Variants in KCTD8 observed in about 807,000 individuals in gnomAD.
KCTD8 encodes the protein BTB/POZ domain-containing protein KCTD8.
In KCTD8, 27 loss-of-function variants were observed where a neutral mutation model predicts 31.5. The observed-to-expected ratio is 0.86, with a 90% CI of 0.63 to 1.18. The LOEUF (loss-of-function observed/expected upper bound fraction) is 1.18, where lower values mean the gene tolerates loss of function less well. Ranked by LOEUF, KCTD8 falls within the 50% of genes most tolerant of loss-of-function variation. The pLI, the probability that KCTD8 is intolerant of heterozygous loss-of-function variation, is 0.00. For synonymous variants in KCTD8, 290 were observed against 280.0 expected, an observed-to-expected ratio of 1.04 and a Z score of -0.36; for missense variants, 658 against 647.7, an observed-to-expected ratio of 1.02 and a Z score of -0.17.
At position 44,227,305 on chromosome 4, in the gene KCTD8, T is replaced by G. The variant is rs371518259; in HGVS notation, c.962-52055A>C. Among the ~76,000 whole-genome samples, 30 of 152,274 alleles carry G rather than the reference T, an allele frequency of 2.0e-4. No individual in the cohort carries two copies. In the East Asian group the frequency reaches 5.8e-3, roughly 29 times the overall value. ...CATTTATTAAATAGGGAATCCTTTC[T>G]CCATTACTTGCTTTTGTCAGGTTTG... is the stretch of plus-strand genomic sequence containing the variant. On this transcript the variant is annotated intron_variant, in intron 1 of 1. Coordinates refer to ENST00000360029, the MANE Select transcript of KCTD8 (RefSeq NM_198353.3).
At chr4:44,285,337 C>T (rs1717031888) in intron 1 of KCTD8, among the ~76,000 whole-genome samples, 1 of 152,074 alleles carries the variant, frequency 6.6e-6, no homozygotes, top group African/African-American at 2.4e-5. Flanking sequence ...ATGGATGAAG[C>T]TGGAAACCAT....
At chr4:44,213,257 A>C (rs1041303320) in intron 1 of KCTD8, among the ~76,000 whole-genome samples, 1 of 151,898 alleles carries the variant, frequency 6.6e-6, no homozygotes, top group Admixed American at 6.6e-5. Context: ...ATTGACCAAA[A>C]TTTTTAATTA....
At chr4:44,278,078 ACT>A (rs971168279) in intron 1 of KCTD8, among the ~76,000 whole-genome samples, 1 of 151,622 alleles carries the variant, frequency 6.6e-6, no homozygotes, top group African/African-American at 2.4e-5. Context: ...ACAGTTACCT[ACT>A]CTCTGTTTTT....
intron 1 of KCTD8, among the ~76,000 whole-genome samples, chr4:44,325,530 AG>A (rs774684329): frequency 1.3e-5 from 2 of 151,930 alleles, no homozygotes; most frequent in Admixed American, 1.3e-4. Flanking sequence ...TACATGCTTG[AG>A]GGAATGGATA....
chr4:44,422,501 G>T (rs1016858375), intron 1 of KCTD8, among the ~76,000 whole-genome samples: 3 of 152,064 alleles, frequency 2.0e-5, no homozygotes, highest in African/African-American at 7.2e-5. Context: ...AAGGGAAAAT[G>T]TATTACATCT....
chr4:44,264,106 A>T (rs1308659308), intron 1 of KCTD8, among the ~76,000 whole-genome samples: 1 of 152,192 alleles, frequency 6.6e-6, no homozygotes, highest in African/African-American at 2.4e-5. Context: ...AGATTAGATT[A>T]ATTAGCAATG....
At chr4:44,281,363 A>C (rs567965085) in intron 1 of KCTD8, among the ~76,000 whole-genome samples, 1 of 152,244 alleles carries the variant, frequency 6.6e-6, no homozygotes, top group Admixed American at 6.6e-5. Context: ...TAAAGTGTAC[A>C]TATTTTCCTA....
chr4:44,299,481 A>G (rs1185313973), intron 1 of KCTD8, among the ~76,000 whole-genome samples: 1 of 152,168 alleles, frequency 6.6e-6, no homozygotes, highest in African/African-American at 2.4e-5. Flanking sequence ...CTGTAATCCC[A>G]GCACTTTGGG....
At chr4:44,211,082 C>T (rs1714473578) in intron 1 of KCTD8, among the ~76,000 whole-genome samples, 1 of 152,108 alleles carries the variant, frequency 6.6e-6, no homozygotes, top group African/African-American at 2.4e-5. Context: ...ATCCTTATGA[C>T]ACCATTAGAA....
chr4:44,227,095 TAGTC>T (rs1714985384), intron 1 of KCTD8, among the ~76,000 whole-genome samples: 1 of 152,244 alleles, frequency 6.6e-6, no homozygotes, highest in South Asian at 2.1e-4. Context: ...TTTGGTGTTT[TAGTC>T]ATGAAGTCCT....
intron 1 of KCTD8, among the ~76,000 whole-genome samples, chr4:44,379,975 C>T (rs1720018008): frequency 6.6e-6 from 1 of 151,822 alleles, no homozygotes; most frequent in South Asian, 2.1e-4. Context: ...TTTATATTTG[C>T]CTTGTACATC....
At chr4:44,444,734 C>T (rs1408360593) in intron 1 of KCTD8, among the ~76,000 whole-genome samples, 2 of 151,078 alleles carry the variant, frequency 1.3e-5, no homozygotes, top group Non-Finnish European at 2.9e-5. Flanking sequence ...TCTGGGATTA[C>T]TGAACCATTT....
intron 1 of KCTD8, among the ~76,000 whole-genome samples, chr4:44,351,447 CATTTT>C (rs1423600984): frequency 1.6e-4 from 24 of 152,104 alleles, no homozygotes; most frequent in Non-Finnish European, 1.0e-4. Flanking sequence ...ATTTCCATAT[CATTTT>C]GGCCGTTTCT....
intron 1 of KCTD8, among the ~76,000 whole-genome samples, chr4:44,376,117 T>G (rs146780958): frequency 6.6e-6 from 1 of 152,172 alleles, no homozygotes; most frequent in Non-Finnish European, 1.5e-5. Flanking sequence ...CACACGCTAC[T>G]TGATGGATGT....
chr4:44,234,867 C>A (rs1303453421), intron 1 of KCTD8, among the ~76,000 whole-genome samples: 1 of 152,064 alleles, frequency 6.6e-6, no homozygotes, highest in African/African-American at 2.4e-5. Context: ...ATTTTTAAGA[C>A]AATATTCTAG....
chr4:44,193,557 A>G (rs1713829365), intron 1 of KCTD8, among the ~76,000 whole-genome samples: 1 of 152,184 alleles, frequency 6.6e-6, no homozygotes, highest in Non-Finnish European at 1.5e-5. Flanking sequence ...TGGGGATAAA[A>G]ATGTGCTTAA....
At chr4:44,263,672 G>A (rs1292645557) in intron 1 of KCTD8, among the ~76,000 whole-genome samples, 1 of 152,104 alleles carries the variant, frequency 6.6e-6, no homozygotes, top group Non-Finnish European at 1.5e-5. Flanking sequence ...TTAAAATATG[G>A]AAAGCTGTTA....
Position 44,401,011 on chromosome 4 carries a change from C to CTTT in KCTD8, c.961+46549_961+46551dup, listed in dbSNP as rs59602420. Among the ~76,000 whole-genome samples the CTTT allele has an allele frequency of 6.4e-3, 610 of 95,900 alleles. 1 individual carries two copies. Among genetic ancestry groups the CTTT allele is most frequent in the Non-Finnish European group, 7.9e-3 (407 of 51,240 alleles). 62.9% of individuals were successfully genotyped at this position (95,900 alleles called of 152,430 possible). ...ACTACCATGATGGCTAATTTTCTTT[C>CTTT]TTTTTTTTTTTTTTTTTTTTTTGTA... On this transcript the variant is annotated intron_variant, in intron 1 of 1. Transcript: ENST00000360029.
chr4:44,422,846 C>T (rs1002597590), intron 1 of KCTD8, among the ~76,000 whole-genome samples: 1 of 152,066 alleles, frequency 6.6e-6, no homozygotes, highest in African/African-American at 2.4e-5. Flanking sequence ...ACAGTTGGCT[C>T]ATTTCCAGCT....
Sources: allele counts gnomAD v4.1 joint callset (sites outside exome capture counted in the v4.1 genomes callset), GRCh38; gene constraint gnomAD v4.1.1; transcripts MANE v1.5; gene names NCBI Gene and HGNC (gene_info 2026-07-23, HGNC 2026-07-21).